POFUT2: variants seen among roughly 807,000 people sequenced by gnomAD.
POFUT2 encodes GDP-fucose protein O-fucosyltransferase 2.
A neutral mutation model predicts 55.0 loss-of-function variants in POFUT2; 30 were observed. The observed-to-expected ratio is 0.55, with a 90% confidence interval of 0.41 to 0.74. The LOEUF is 0.74. POFUT2 is among the 30% of genes least tolerant of loss of function. The probability of loss-of-function intolerance (pLI) is 0.00; values close to 1 mark genes in which losing one functional copy is unlikely to be tolerated. For synonymous variants in POFUT2, 267 were observed against 231.1 expected, an observed-to-expected ratio of 1.16 and a Z score of -1.41; for missense variants, 524 against 562.6, an observed-to-expected ratio of 0.93 and a Z score of 0.69.
intron 4 of POFUT2, 61 bp from the exon 5 acceptor site, chr21:45,278,230 T>A: frequency 1.4e-6 from 2 of 1,401,380 alleles, no homozygotes; most frequent in Middle Eastern, 1.8e-4. Context: ...ACATTCACAC[T>A]CTCAGAGCAC....
In POFUT2 at chr21:45,277,807, A is replaced by G. The variant is rs2029981452; in HGVS notation, c.705+296T>C. The G allele has an allele frequency of 4.2e-6, 2 of 477,400 alleles. No homozygotes were observed. Among genetic ancestry groups the G allele is most frequent in the Non-Finnish European group, 7.5e-6 (2 of 265,828 alleles). The allele number at this position is 477,400 out of a possible 1,614,324, so 29.6% of individuals were successfully genotyped here. A position where few individuals can be genotyped will look rare whatever the true frequency, so the allele number is the denominator to read the frequency against. ...AGGAGAAAGGAGGGGTCTACGTTCC[A>G]GCCACTGACGGAGTCACTGACTCCG... is the stretch of plus-strand genomic sequence containing the variant. On this transcript the variant is annotated intron_variant, in intron 5 of 8. Transcript: ENST00000349485. The surrounding 1 kb of genome is among the most constrained non-coding windows in gnomAD (Gnocchi z 6.9).
chr21:45,286,517 TC>T (rs761095220), intron 1 of POFUT2, among the ~76,000 whole-genome samples: 8 of 152,206 alleles, frequency 5.3e-5, no homozygotes, highest in Non-Finnish European at 1.0e-4. Flanking sequence ...ACATCACAGA[TC>T]AAGTGGTTTC....
At chr21:45,279,173 C>T (rs536282856) in intron 4 of POFUT2, among the ~76,000 whole-genome samples, 42 of 148,630 alleles carry the variant, frequency 2.8e-4, no homozygotes, top group Non-Finnish European at 5.3e-4. Flanking sequence ...GGGCGGATCA[C>T]GAGGTCAGGA....
chr21:45,284,916 C>T lies in POFUT2; in HGVS notation c.382+762G>A, dbSNP rs1221363798. Among the ~76,000 whole-genome samples, 1 of 152,148 alleles carries T rather than the reference C, an allele frequency of 6.6e-6. No homozygotes were observed. The highest frequency in any genetic ancestry group is 1.5e-5 in the Non-Finnish European group (1 of 68,020). ...TGCCCCTAGCACTCACAAGACTGACCTTGACACAGAAAACATTTCAGAGTG... is the reference window on the plus strand; with the variant it reads ...TGCCCCTAGCACTCACAAGACTGACTTTGACACAGAAAACATTTCAGAGTG... On this transcript the variant is annotated intron_variant, in intron 2 of 8. Transcript: ENST00000349485. This position sits in a 1 kb window ranked among gnomAD's most constrained non-coding sequence, Gnocchi z 5.8.
intron 4 of POFUT2, among the ~76,000 whole-genome samples, chr21:45,279,451 G>A (rs1011205517): frequency 2.0e-5 from 3 of 152,128 alleles, no homozygotes; most frequent in South Asian, 2.1e-4. Flanking sequence ...GAGAAAAAAT[G>A]AGCAACATAT....
chr21:45,276,861 A>C (rs1286995505), intron 6 of POFUT2, among the ~76,000 whole-genome samples, 156 bp downstream of exon 6: 5 of 152,136 alleles, frequency 3.3e-5, no homozygotes, highest in Non-Finnish European at 7.4e-5. Flanking sequence ...TCCCGAGAGC[A>C]GGTCATTACT....
chr21:45,285,827 T>C lies in POFUT2; in HGVS notation c.233A>G (p.Glu78Gly), dbSNP rs754380410. 4.3e-6 allele frequency: 7 copies of C among 1,613,284 alleles called. No homozygotes were observed. In the South Asian group the frequency reaches 7.7e-5, roughly 18 times the overall value. ...CCATGGAGGCAGGACAAGCACCCAC[T>C]CCTCCGTCTTCAGCAGAGTCTTCAG... ...SLLKTLLKTE[E>G]WVLVLPPWGR... is the part of the protein sequence containing the mutation. Residue 78 changes from glutamate (E) to glycine (G), a missense_variant, in exon 2 of 9, where the codon GAG (glutamate) becomes GGG (glycine). Glu to Gly is a moderately conservative substitution (Grantham distance 98). This residue lies in a region of POFUT2 where 274 missense variants were observed against 244.4 expected (regional missense o/e 1.12). Transcript: ENST00000349485. This position sits in a 1 kb window ranked among gnomAD's most constrained non-coding sequence, Gnocchi z 4.9.
rs1398320999 is a variant in POFUT2, at chr21:45,277,309, C to T, written c.706-167G>A. 4 of 865,828 alleles carry T rather than the reference C, an allele frequency of 4.6e-6. No individual in the cohort carries two copies. Among genetic ancestry groups the T allele is most frequent in the African/African-American group, 3.4e-5 (2 of 58,892 alleles). 53.6% of individuals were successfully genotyped at this position (865,828 alleles called of 1,614,324 possible). A position where few individuals can be genotyped will look rare whatever the true frequency, so the allele number is the denominator to read the frequency against. ...AGCAGCGCCATCCACGGTGGAGGCT[C>T]TTGGAGGGTCTCCTGCATGAAGCCA... On this transcript the variant is annotated intron_variant, in intron 5 of 8. Transcript: ENST00000349485. The surrounding 1 kb of genome is among the most constrained non-coding windows in gnomAD (Gnocchi z 6.9).
chr21:45,269,164 G>A (rs1458642164), intron 7 of POFUT2, among the ~76,000 whole-genome samples: 2 of 132,738 alleles, frequency 1.5e-5, no homozygotes, highest in African/African-American at 5.6e-5. Flanking sequence ...GGAGGGAGGT[G>A]GGGGGGTCAG....
At chr21:45,286,792 T>C (rs953270268) in intron 1 of POFUT2, among the ~76,000 whole-genome samples, 1 of 152,232 alleles carries the variant, frequency 6.6e-6, no homozygotes, top group African/African-American at 2.4e-5. Context: ...CGAGTGAAGC[T>C]GCGTGCAGCG....
At chr21:45,266,742 G>A (rs1440899776) in intron 8 of POFUT2, 1 of 998,052 alleles carries the variant, frequency 1.0e-6, no homozygotes, top group Non-Finnish European at 1.2e-6. Flanking sequence ...TAGCAGATGT[G>A]TGAAGAGGCA....
rs1465487006 is a variant in POFUT2, at chr21:45,285,443, T to C, written c.382+235A>G. 1 of 566,694 alleles carries C rather than the reference T, an allele frequency of 1.8e-6. No homozygotes were observed. Among genetic ancestry groups the C allele is most frequent in the South Asian group, 1.7e-5 (1 of 59,048 alleles). 35.1% of individuals were successfully genotyped at this position (566,694 alleles called of 1,614,324 possible). Reference sequence around the variant, plus strand: ...TCTAACTGAGGGGGCACAAAGCTCATCCACTTCAGGTCCATTTCCGAGAAA... The same window carrying C: ...TCTAACTGAGGGGGCACAAAGCTCACCCACTTCAGGTCCATTTCCGAGAAA... On this transcript the variant is annotated intron_variant, in intron 2 of 8. Transcript: ENST00000349485. The surrounding 1 kb of genome is among the most constrained non-coding windows in gnomAD (Gnocchi z 4.9).
chr21:45,266,102 C>T (rs550906346), intron 8 of POFUT2: 11 of 1,345,450 alleles, frequency 8.2e-6, no homozygotes, highest in East Asian at 4.6e-5. Context: ...CCCCTCCACA[C>T]ACACGCTGTA....
At chr21:45,268,784 C>A (rs1308490362) in intron 7 of POFUT2, among the ~76,000 whole-genome samples, 1 of 147,346 alleles carries the variant, frequency 6.8e-6, no homozygotes, top group South Asian at 2.2e-4. Flanking sequence ...CGTCTCCGCC[C>A]GGCAGCCACC....
rs941501007 is a variant in POFUT2, at chr21:45,267,135, G to T, written c.1136+455C>A. 1.6e-6 allele frequency: 2 copies of T among 1,230,570 alleles called. No homozygotes were observed. Among genetic ancestry groups the T allele is most frequent in the South Asian group, 3.4e-5 (2 of 58,410 alleles). 76.2% of individuals were successfully genotyped at this position (1,230,570 alleles called of 1,614,324 possible). On this transcript the variant is annotated intron_variant, in intron 8 of 8. Transcript: ENST00000349485. This position sits in a 1 kb window ranked among gnomAD's most constrained non-coding sequence, Gnocchi z 4.4. Reference sequence around the variant, plus strand: ...CACGAGGGCCCATGCTCCCAGCCTTGGGGACGCTCATGGCAGCCCCACGAG... The same window carrying T: ...CACGAGGGCCCATGCTCCCAGCCTTTGGGACGCTCATGGCAGCCCCACGAG...
rs2030579414 is a variant in POFUT2, at chr21:45,281,084, G to A, written c.638+1265C>T. ...CTTCCCATTAGGGCTTTAACCCCCG[G>A]AAGAGACTTTCCCTGGGTGCTGGGG... On this transcript the variant is annotated intron_variant, in intron 4 of 8. Transcript: ENST00000349485. The surrounding 1 kb of genome is among the most constrained non-coding windows in gnomAD (Gnocchi z 5.0). Among the ~76,000 whole-genome samples the A allele has an allele frequency of 6.6e-6, 1 of 152,188 alleles. No individual in the cohort carries two copies. The highest frequency in any genetic ancestry group is 2.4e-5 in the African/African-American group (1 of 41,442).
chr21:45,273,931 T>C (rs1425525511), intron 6 of POFUT2, among the ~76,000 whole-genome samples: 3 of 152,156 alleles, frequency 2.0e-5, no homozygotes, highest in African/African-American at 7.2e-5. Context: ...CTCTCACCAC[T>C]TCTATTCAAC....
In POFUT2 at chr21:45,283,472, C is replaced by CGT; in HGVS notation, c.437_438insAC (p.Trp147ArgfsTer43). On this transcript the variant is annotated frameshift_variant, in exon 3 of 9. Transcript: ENST00000349485. LOFTEE classifies it high-confidence loss of function. ...TCTCTTCCCAGGTCCCTTCTTTCCA[C>CGT]CCCTCTGCGTAACTTTGCAGGACGT... The CGT allele has an allele frequency of 6.2e-7, 1 of 1,613,918 alleles. No homozygotes were observed. Among genetic ancestry groups the CGT allele is most frequent in the East Asian group, 2.2e-5 (1 of 44,872 alleles).
chr21:45,277,431 G>A lies in POFUT2; in HGVS notation c.706-289C>T. The A allele has an allele frequency of 4.6e-6, 2 of 431,714 alleles. No homozygotes were observed. The highest frequency in any genetic ancestry group is 4.5e-5 in the South Asian group (2 of 44,634). 26.7% of individuals were successfully genotyped at this position (431,714 alleles called of 1,614,324 possible). On this transcript the variant is annotated intron_variant, in intron 5 of 8. Transcript: ENST00000349485. This position sits in a 1 kb window ranked among gnomAD's most constrained non-coding sequence, Gnocchi z 6.9. Reference sequence around the variant, plus strand: ...CTCAGCTGGCCGTTGCCCCTGGCTGGCACAACTGTGTGCAGCTCCTTCCCC... The same window carrying A: ...CTCAGCTGGCCGTTGCCCCTGGCTGACACAACTGTGTGCAGCTCCTTCCCC...
Sources: gnomAD v4.1 joint callset for allele counts (sites outside exome capture counted in the v4.1 genomes callset) on GRCh38, gnomAD v4.1.1 for gene constraint, gnomAD v4.1.1 regional missense constraint, Gnocchi (gnomAD v3.1) non-coding constraint, MANE v1.5 for transcripts, NCBI Gene and HGNC (gene_info 2026-07-23, HGNC 2026-07-21) for gene names.